Variants in PCDHA10 observed in about 807,000 individuals in gnomAD.
PCDHA10 encodes protocadherin alpha 10.
A neutral mutation model predicts 61.2 loss-of-function variants in PCDHA10; 45 were observed. That is an observed-to-expected ratio of 0.74 (90% CI 0.58 to 0.94). The LOEUF (loss-of-function observed/expected upper bound fraction) is 0.94, where lower values mean the gene tolerates loss of function less well. Ranked by LOEUF, PCDHA10 falls within the 40% of genes least tolerant of loss-of-function variation. PCDHA10 has a pLI of 0.00. For missense variants in PCDHA10, 1,278 were observed against 1,236.2 expected (o/e 1.03, Z -0.51); for synonymous variants, 602 against 548.8 (o/e 1.10, Z -1.35).
intron 1 of PCDHA10, among the ~76,000 whole-genome samples, chr5:140,953,228 G>A (rs2094861370): frequency 6.6e-6 from 1 of 152,124 alleles, no homozygotes; most frequent in South Asian, 2.1e-4. Flanking sequence ...CTTCTGCTTG[G>A]TAGCAGTTCA....
Position 140,885,793 on chromosome 5 carries a change from A to G in PCDHA10, c.2388+27357A>G, listed in dbSNP as rs541928241. On this transcript the variant is annotated intron_variant, in intron 1 of 3. Coordinates refer to ENST00000307360, the MANE Select transcript of PCDHA10 (RefSeq NM_018901.4). ...TATTAGTGAATTTGAGCATATTGTCATATGTATTTTGTTGATTTGTATTTG... is the reference window on the plus strand; with the variant it reads ...TATTAGTGAATTTGAGCATATTGTCGTATGTATTTTGTTGATTTGTATTTG... Among the ~76,000 whole-genome samples the G allele has an allele frequency of 2.0e-5, 3 of 152,162 alleles. No homozygotes were observed. The South Asian group carries it at 6.2e-4, about 32-fold the overall frequency.
At chr5:140,917,324 C>CGGT (rs2078038330) in intron 1 of PCDHA10, among the ~76,000 whole-genome samples, 1 of 76,126 alleles carries the variant, frequency 1.3e-5, no homozygotes, top group Admixed American at 1.5e-4. Flanking sequence ...GTTCATGTGG[C>CGGT]GGGGGAGGGG....
chr5:140,967,628 T>C (rs1341456967), intron 1 of PCDHA10: 3 of 1,613,984 alleles, frequency 1.9e-6, no homozygotes, highest in Non-Finnish European at 2.5e-6. Context: ...GGATGAGGGC[T>C]CCAATGGTGA....
intron 1 of PCDHA10, among the ~76,000 whole-genome samples, chr5:140,975,986 G>C (rs1554237183): frequency 6.6e-6 from 1 of 152,112 alleles, no homozygotes; most frequent in East Asian, 1.9e-4. Context: ...ATAGTCCTGG[G>C]AGGTACCATC....
intron 1 of PCDHA10, among the ~76,000 whole-genome samples, chr5:140,918,826 C>T (rs200767772): frequency 2.0e-5 from 3 of 149,724 alleles, no homozygotes; most frequent in African/African-American, 7.4e-5. Flanking sequence ...AAGTGGCCCC[C>T]TCCCCAGACA....
intron 1 of PCDHA10, among the ~76,000 whole-genome samples, chr5:140,908,968 C>T (rs1201886997): frequency 6.6e-6 from 1 of 152,092 alleles, no homozygotes; most frequent in African/African-American, 2.4e-5. Flanking sequence ...TCTTGATAGG[C>T]CCCACTCCAC....
intron 1 of PCDHA10, among the ~76,000 whole-genome samples, chr5:140,955,954 T>C (rs782364189): frequency 2.0e-5 from 3 of 152,184 alleles, no homozygotes; most frequent in Non-Finnish European, 2.9e-5. Context: ...TACTTGCTTG[T>C]TGTTTGTGCA....
At chr5:140,871,422 C>T in intron 1 of PCDHA10, 1 of 1,613,658 alleles carries the variant, frequency 6.2e-7, no homozygotes, top group Non-Finnish European at 8.5e-7. Context: ...CCTTCAGCCC[C>T]AGTCTTCCTC....
intron 1 of PCDHA10, among the ~76,000 whole-genome samples, chr5:140,940,317 A>G (rs782009825): frequency 1.5e-4 from 23 of 152,024 alleles, no homozygotes; most frequent in Non-Finnish European, 2.2e-4. Context: ...CTTTCTTCCA[A>G]TTTTACTAAT....
chr5:140,998,442 T>G lies in PCDHA10; in HGVS notation c.2537-11185T>G, dbSNP rs368931467. On this transcript the variant is annotated intron_variant, in intron 3 of 3. Coordinates refer to ENST00000307360, the MANE Select transcript of PCDHA10 (RefSeq NM_018901.4). ...GGTTTATCCTTTAACACTATTATTGTATTTATTCATTTACTTGTCTTTTCC... is the reference window on the plus strand; with the variant it reads ...GGTTTATCCTTTAACACTATTATTGGATTTATTCATTTACTTGTCTTTTCC... 1.7e-4 allele frequency among the ~76,000 whole-genome samples: 26 copies of G among 152,352 alleles called. No individual in the cohort carries two copies. In the South Asian group the frequency reaches 5.2e-3, roughly 30 times the overall value.
chr5:140,958,066 C>T (rs782243559), intron 1 of PCDHA10, among the ~76,000 whole-genome samples: 2 of 151,900 alleles, frequency 1.3e-5, no homozygotes, highest in African/African-American at 4.8e-5. Context: ...AGAAAAAACA[C>T]AGAAGCAAAA....
chr5:140,927,157 G>A (rs868936673), intron 1 of PCDHA10: 2 of 1,614,144 alleles, frequency 1.2e-6, no homozygotes, highest in South Asian at 2.2e-5. Flanking sequence ...GCTGTGCAGG[G>A]CCAAAGCTGC....
At chr5:140,978,491 C>T (rs550205477) in intron 1 of PCDHA10, among the ~76,000 whole-genome samples, 2 of 152,354 alleles carry the variant, frequency 1.3e-5, no homozygotes, top group African/African-American at 4.8e-5. Flanking sequence ...GCAAAGCCAG[C>T]AGCAGATTGC....
intron 1 of PCDHA10, chr5:140,875,865 G>A (rs782211791): frequency 6.2e-7 from 1 of 1,614,160 alleles, no homozygotes; most frequent in Non-Finnish European, 8.5e-7. Context: ...ACAACCCGCC[G>A]GTGTTCAGAG....
chr5:140,969,075 A>G, intron 1 of PCDHA10: 1 of 1,614,184 alleles, frequency 6.2e-7, no homozygotes, highest in Non-Finnish European at 8.5e-7. Flanking sequence ...AGGATACCGC[A>G]TGGCCTCAAA....
intron 1 of PCDHA10, chr5:140,870,188 C>T: frequency 6.2e-7 from 1 of 1,614,142 alleles, no homozygotes; most frequent in Non-Finnish European, 8.5e-7. Flanking sequence ...CGAGAGGACG[C>T]TCAGCCCAGC....
chr5:140,921,511 C>T (rs1163280621), intron 1 of PCDHA10, among the ~76,000 whole-genome samples: 1 of 152,062 alleles, frequency 6.6e-6, no homozygotes, highest in Non-Finnish European at 1.5e-5. Context: ...TAGTGCCTAA[C>T]CTGAAATAAA....
chr5:140,893,195 C>T (rs1445634918), intron 1 of PCDHA10, among the ~76,000 whole-genome samples: 2 of 152,164 alleles, frequency 1.3e-5, no homozygotes, highest in Admixed American at 1.3e-4. Context: ...GTGAATAGTG[C>T]TGCAGTAAGT....
intron 3 of PCDHA10, among the ~76,000 whole-genome samples, chr5:140,993,767 G>A (rs115607244): frequency 3.3e-5 from 5 of 152,010 alleles, no homozygotes; most frequent in Non-Finnish European, 7.4e-5. Context: ...TTACAATTGC[G>A]CAGTATTTTG....
Sources: gnomAD v4.1 joint callset for allele counts (sites outside exome capture counted in the v4.1 genomes callset) on GRCh38, gnomAD v4.1.1 for gene constraint, MANE v1.5 for transcripts, NCBI Gene and HGNC (gene_info 2026-07-23, HGNC 2026-07-21) for gene names.